The following CCDC88C variants were observed in gnomAD, a reference collection of about 807,000 sequenced individuals.
CCDC88C encodes the protein protein Daple.
Under a neutral mutation model 198.8 loss-of-function variants are expected in CCDC88C, and 131 were observed. The ratio of observed to expected loss-of-function variants is 0.66; its 90% CI spans 0.57 to 0.76. The LOEUF (loss-of-function observed/expected upper bound fraction) is 0.76, where lower values mean the gene tolerates loss of function less well. Among genes scored for constraint, CCDC88C ranks in the 30% least tolerant of loss-of-function variants. The pLI is 0.00. For synonymous variants in CCDC88C, 1,166 were observed against 1,114.7 expected (o/e 1.05, Z -0.92); for missense variants, 2,553 against 2,631.6 (o/e 0.97, Z 0.65).
chr14:91,338,519 C>T lies in CCDC88C; in HGVS notation c.861G>A (p.Leu287=). The change falls in exon 9 of 30, where the codon CTG becomes CTA. Residue 287 remains leucine (L), a synonymous_variant. Coordinates refer to ENST00000389857, the MANE Select transcript of CCDC88C (RefSeq NM_001080414.4). This position sits in a 1 kb window ranked among gnomAD's most constrained non-coding sequence, Gnocchi z 4.8. ...LVDTRHEVDQ[L]VLELQKVKQE... is the part of the protein sequence containing the mutation. ...GCTTAACTTTCTGCAGTTCCAGCAC[C>T]AGCTGGTCCACCTCATGTCTGGTGT... 1.3e-6 allele frequency: 2 copies of T among 1,571,522 alleles called. No homozygotes were observed. Among genetic ancestry groups the T allele is most frequent in the African/African-American group, 1.4e-5 (1 of 73,730 alleles).
rs530413081 is a variant in CCDC88C, at chr14:91,275,480, C to CT, written c.5059-1828dup. Among the ~76,000 whole-genome samples, 596 of 143,402 alleles carry CT rather than the reference C, an allele frequency of 4.2e-3. 5 individuals carry two copies. Among genetic ancestry groups the CT allele is most frequent in the South Asian group, 0.038 (169 of 4,496 alleles). 94.1% of individuals were successfully genotyped at this position (143,402 alleles called of 152,430 possible). On this transcript the variant is annotated intron_variant, in intron 29 of 29. Transcript: ENST00000389857. ...TGTTCAGTCCATTAGACCAGCAGTT[C>CT]TTTTTTTTTTTTTTGGAGACAGAGT...
chr14:91,315,993 T>C lies in CCDC88C; in HGVS notation c.1528-206A>G, dbSNP rs536959624. 1,446 of 535,674 alleles carry C rather than the reference T, an allele frequency of 2.7e-3. 34 individuals are homozygous for C. The South Asian group carries it at 0.033, about 12-fold the overall frequency. The allele number at this position is 535,674 out of a possible 1,614,324, so 33.2% of individuals were successfully genotyped here. The stretch of plus-strand genomic sequence containing the variant: ...GTCACCAGGAAGCAAACCATCACCA[T>C]CCCCCCAGCGTCCCTCTGCCCCATC... On this transcript the variant is annotated intron_variant, in intron 13 of 29. Transcript: ENST00000389857.
At chr14:91,349,270 C>T (rs923543114) in intron 4 of CCDC88C, among the ~76,000 whole-genome samples, 1 of 152,144 alleles carries the variant, frequency 6.6e-6, no homozygotes, top group Non-Finnish European at 1.5e-5. Flanking sequence ...TGCAGCAAGG[C>T]CCAGGGCAAG....
chr14:91,293,379 C>CGGTCCACCTTCCCAT (rs1567055104), intron 23 of CCDC88C, among the ~76,000 whole-genome samples: 13 of 92,898 alleles, frequency 1.4e-4, no homozygotes, highest in Non-Finnish European at 1.8e-4. Context: ...CCTTCCTGCC[C>CGGTCCACCTTCCCAT]CCTCGCCTGC....
chr14:91,318,363 C>T (rs1892198290), intron 13 of CCDC88C, among the ~76,000 whole-genome samples: 1 of 152,162 alleles, frequency 6.6e-6, no homozygotes, highest in Middle Eastern at 3.4e-3. Context: ...CTGCAGTGAG[C>T]CATGGTCACA....
intron 4 of CCDC88C, among the ~76,000 whole-genome samples, chr14:91,357,199 C>T (rs958835850): frequency 5.9e-5 from 9 of 152,178 alleles, no homozygotes; most frequent in Non-Finnish European, 2.9e-5. Flanking sequence ...TCCCTATAAA[C>T]GGAAATGGGC....
At position 91,289,344 on chromosome 14, in the gene CCDC88C, C is replaced by A; in HGVS notation, c.4203-1G>T. 6.2e-7 allele frequency: 1 copy of A among 1,613,688 alleles called. No individual in the cohort carries two copies. The highest frequency in any genetic ancestry group is 1.3e-5 in the African/African-American group (1 of 75,038). ...TTTGGCTCCAATCCAGTGGTTCTTCCTGGTTAGAAGTAGATGTTTAGGACA... is the reference window on the plus strand; with the variant it reads ...TTTGGCTCCAATCCAGTGGTTCTTCATGGTTAGAAGTAGATGTTTAGGACA... On this transcript the variant is annotated splice_acceptor_variant, in intron 24 of 29. Coordinates refer to ENST00000389857, the MANE Select transcript of CCDC88C (RefSeq NM_001080414.4). LOFTEE classifies it high-confidence loss of function.
chr14:91,287,318 A>T (rs1453789224), intron 25 of CCDC88C, among the ~76,000 whole-genome samples: 1 of 152,132 alleles, frequency 6.6e-6, no homozygotes, highest in Admixed American at 6.5e-5. Context: ...CCCCATAAAG[A>T]ATGACAGTGT....
chr14:91,314,806 T>C (rs1453014230), intron 14 of CCDC88C, among the ~76,000 whole-genome samples: 1 of 152,156 alleles, frequency 6.6e-6, no homozygotes, highest in Non-Finnish European at 1.5e-5. Context: ...CCATCTTCTC[T>C]GGGCTTTTTA....
chr14:91,376,326 T>C (rs1486753536), intron 3 of CCDC88C, among the ~76,000 whole-genome samples: 1 of 152,206 alleles, frequency 6.6e-6, no homozygotes, highest in Non-Finnish European at 1.5e-5. Context: ...TGCACACTCA[T>C]GACTGCCTCG....
intron 23 of CCDC88C, among the ~76,000 whole-genome samples, chr14:91,292,217 A>G (rs1890690099): frequency 6.6e-6 from 1 of 152,110 alleles, no homozygotes; most frequent in African/African-American, 2.4e-5. Flanking sequence ...TTCTGTGCTC[A>G]CGGCCGTGCT....
In CCDC88C at chr14:91,288,276, T is replaced by C. The variant is rs941822403; in HGVS notation, c.4441+829A>G. Among the ~76,000 whole-genome samples, 2 of 152,214 alleles carry C rather than the reference T, an allele frequency of 1.3e-5. No homozygotes were observed. The highest frequency in any genetic ancestry group is 4.8e-5 in the African/African-American group (2 of 41,460). ...AATCCTGTTCTTGTTTCAGAACCTC[T>C]GGCAAACTCCAAAGGACAGCCCTTA... On this transcript the variant is annotated intron_variant, in intron 25 of 29. Transcript: ENST00000389857. The surrounding 1 kb of genome is among the most constrained non-coding windows in gnomAD (Gnocchi z 4.2).
intron 3 of CCDC88C, among the ~76,000 whole-genome samples, chr14:91,406,028 G>A (rs906846468): frequency 1.3e-5 from 2 of 152,092 alleles, no homozygotes; most frequent in African/African-American, 2.4e-5. Flanking sequence ...GGGATGCAGG[G>A]TCCTCTTTCC....
At chr14:91,410,837 C>T (rs1886751980) in intron 2 of CCDC88C, among the ~76,000 whole-genome samples, 2 of 152,172 alleles carry the variant, frequency 1.3e-5, no homozygotes, top group South Asian at 4.1e-4. Context: ...ATTGTAGACC[C>T]ATCTTTCATT....
intron 3 of CCDC88C, among the ~76,000 whole-genome samples, chr14:91,406,864 C>T (rs192874111): frequency 2.9e-4 from 44 of 152,346 alleles, no homozygotes; most frequent in African/African-American, 9.1e-4. Flanking sequence ...GGCTCCCCTT[C>T]AAATCCCCAG....
At chr14:91,329,199 TG>T (rs1354952365) in intron 10 of CCDC88C, among the ~76,000 whole-genome samples, 1 of 152,206 alleles carries the variant, frequency 6.6e-6, no homozygotes, top group Admixed American at 6.5e-5. Flanking sequence ...TTGAGAAGCA[TG>T]GGGGACTTAA....
chr14:91,285,295 AG>A (rs1567049674), intron 25 of CCDC88C: 4 of 336,858 alleles, frequency 1.2e-5, no homozygotes, highest in Non-Finnish European at 2.4e-5. Context: ...TGTACATTTT[AG>A]GAAGTGCAGC....
chr14:91,370,181 CCT>C (rs1018729934), intron 3 of CCDC88C, among the ~76,000 whole-genome samples: 1 of 152,222 alleles, frequency 6.6e-6, no homozygotes, highest in African/African-American at 2.4e-5. Context: ...AGTCACAGTC[CCT>C]CTCTGAGCCA....
Position 91,295,332 on chromosome 14 carries a change from C to T in CCDC88C, c.3967-1014G>A, listed in dbSNP as rs560267624. On this transcript the variant is annotated intron_variant, in intron 22 of 29. Transcript: ENST00000389857. ...TTCTGTGATTGCCACTGCTATATTG[C>T]TTGGGCAAGAATTAAAACAAATACC... 1.2e-4 allele frequency among the ~76,000 whole-genome samples: 19 copies of T among 152,334 alleles called. No homozygotes were observed. The South Asian group carries it at 3.3e-3, about 27-fold the overall frequency.
Sources: gnomAD v4.1 joint callset for allele counts (sites outside exome capture counted in the v4.1 genomes callset) on GRCh38, gnomAD v4.1.1 for gene constraint, Gnocchi (gnomAD v3.1) non-coding constraint, MANE v1.5 for transcripts, NCBI Gene and HGNC (gene_info 2026-07-23, HGNC 2026-07-21) for gene names.